Variants in AAGAB observed in about 807,000 individuals in gnomAD.
AAGAB encodes alpha- and gamma-adaptin-binding protein p34.
A neutral mutation model predicts 44.1 loss-of-function variants in AAGAB; 38 were observed. That is an observed-to-expected ratio of 0.86 (90% CI 0.67 to 1.13). The LOEUF (loss-of-function observed/expected upper bound fraction) is 1.13. Among genes scored for constraint, AAGAB ranks in the 50% most tolerant of loss-of-function variants. The pLI is 0.00. For synonymous variants in AAGAB, 131 were observed against 131.8 expected (o/e 0.99, Z 0.04); for missense variants, 450 against 373.8 (o/e 1.20, Z -1.68).
At chr15:67,204,791 C>T (rs1963649345) in intron 7 of AAGAB, among the ~76,000 whole-genome samples, 1 of 152,168 alleles carries the variant, frequency 6.6e-6, no homozygotes, top group Non-Finnish European at 1.5e-5. Context: ...AGAATTTTAA[C>T]TCCTTCTCCA....
At chr15:67,236,894 C>G in intron 1 of AAGAB, 74 bp from the exon 2 acceptor site, 1 of 1,195,006 alleles carries the variant, frequency 8.4e-7, no homozygotes, top group South Asian at 1.6e-5. Flanking sequence ...CAGTCAGATA[C>G]CAGATAAAGC....
intron 5 of AAGAB, among the ~76,000 whole-genome samples, chr15:67,218,591 G>T (rs927400029): frequency 8.5e-5 from 13 of 152,122 alleles, no homozygotes; most frequent in African/African-American, 3.1e-4. Context: ...ATCTAGGCTT[G>T]CAATTAGGTT....
intron 1 of AAGAB, among the ~76,000 whole-genome samples, chr15:67,244,536 C>A (rs1435862854): frequency 6.6e-6 from 1 of 152,124 alleles, no homozygotes; most frequent in Non-Finnish European, 1.5e-5. Flanking sequence ...GGCACGGTGG[C>A]TCATACCTGT....
Position 67,202,557 on chromosome 15 carries a change from C to A in AAGAB, c.*264G>T. The A allele has an allele frequency of 4.6e-6, 2 of 430,994 alleles. No individual in the cohort carries two copies. The highest frequency in any genetic ancestry group is 8.4e-6 in the Non-Finnish European group (2 of 239,444). The allele number at this position is 430,994 out of a possible 1,614,324, so 26.7% of individuals were successfully genotyped here. A position where few individuals can be genotyped will look rare whatever the true frequency, so the allele number is the denominator to read the frequency against. ...CACAGACCTCTGAGATTTATCCTAC[C>A]CTCATTCCTAGAACAAAAAAAAAGT... On this transcript the variant is annotated 3_prime_UTR_variant, in exon 10 of 10. Coordinates refer to ENST00000261880, the MANE Select transcript of AAGAB (RefSeq NM_024666.5).
intron 1 of AAGAB, among the ~76,000 whole-genome samples, chr15:67,240,459 A>C (rs1381628448): frequency 6.6e-6 from 1 of 152,146 alleles, no homozygotes; most frequent in Admixed American, 6.5e-5. Context: ...GCTGTAATAC[A>C]TCATTTTTTA....
Position 67,201,289 on chromosome 15 carries a change from GAA to G in AAGAB, c.*1530_*1531del, listed in dbSNP as rs71287016. 7.6e-5 allele frequency: 8 copies of G among 105,278 alleles called. No homozygotes were observed. The East Asian group carries it at 1.2e-3, about 15-fold the overall frequency. The allele number at this position is 105,278 out of a possible 1,614,324, so 6.5% of individuals were successfully genotyped here. A position where few individuals can be genotyped will look rare whatever the true frequency, so the allele number is the denominator to read the frequency against. ...CTCAAAGTCTTTCAGAACAGTAAAA[GAA>G]AAAAAAAAAAAAAGGAACAAAAGGT... On this transcript the variant is annotated 3_prime_UTR_variant, in exon 10 of 10. Transcript: ENST00000261880.
At chr15:67,250,299 C>T (rs965917927) in intron 1 of AAGAB, among the ~76,000 whole-genome samples, 4 of 152,150 alleles carry the variant, frequency 2.6e-5, no homozygotes, top group Non-Finnish European at 5.9e-5. Flanking sequence ...GCCTCAGCCA[C>T]CTGAGTAGCT....
chr15:67,203,896 T>A lies in AAGAB; in HGVS notation c.820+148A>T. On this transcript the variant is annotated intron_variant, in intron 8 of 9. Transcript: ENST00000261880. ...ATTTTCCCCAGGGAATTTTTTTTTT[T>A]TACCAAGTCCCAGGAGTAGCTAAGT... is the stretch of plus-strand genomic sequence containing the variant. 1.1e-5 allele frequency: 7 copies of A among 620,706 alleles called. No homozygotes were observed. In the South Asian group the frequency reaches 1.4e-4, roughly 12 times the overall value. 38.4% of individuals were successfully genotyped at this position (620,706 alleles called of 1,614,324 possible). A position where few individuals can be genotyped will look rare whatever the true frequency, so the allele number is the denominator to read the frequency against.
intron 5 of AAGAB, among the ~76,000 whole-genome samples, chr15:67,220,093 A>G (rs1157806797): frequency 1.3e-5 from 2 of 152,272 alleles, no homozygotes; most frequent in Non-Finnish European, 2.9e-5. Flanking sequence ...GGAATGCACG[A>G]GTTTTAAATT....
At chr15:67,209,609 G>T in intron 5 of AAGAB, 65 bp from the exon 6 acceptor site, 4 of 1,271,652 alleles carry the variant, frequency 3.1e-6, no homozygotes, top group South Asian at 1.2e-5. Context: ...AAATGGCTAT[G>T]ATGATGAAAC....
chr15:67,241,121 C>T (rs1337132541), intron 1 of AAGAB, among the ~76,000 whole-genome samples: 1 of 151,944 alleles, frequency 6.6e-6, no homozygotes, highest in African/African-American at 2.4e-5. Context: ...CTTATGTCCT[C>T]ACCTATCCAC....
At position 67,201,230 on chromosome 15, in the gene AAGAB, A is replaced by G. The variant is rs1052034222; in HGVS notation, c.*1591T>C. 1.7e-4 allele frequency: 26 copies of G among 151,142 alleles called. No homozygotes were observed. Among genetic ancestry groups the G allele is most frequent in the African/African-American group, 6.1e-4 (25 of 41,102 alleles). The allele number at this position is 151,142 out of a possible 1,614,324, so 9.4% of individuals were successfully genotyped here. A position where few individuals can be genotyped will look rare whatever the true frequency, so the allele number is the denominator to read the frequency against. The stretch of plus-strand genomic sequence containing the variant: ...CAACTTCCCTAATGCAATCACCTCA[A>G]AGAAACACTGATGGGCTGGTGGTGA... On this transcript the variant is annotated 3_prime_UTR_variant, in exon 10 of 10. Coordinates refer to ENST00000261880, the MANE Select transcript of AAGAB (RefSeq NM_024666.5).
intron 1 of AAGAB, among the ~76,000 whole-genome samples, chr15:67,247,233 C>G (rs1449443606): frequency 6.6e-6 from 1 of 152,202 alleles, no homozygotes; most frequent in Non-Finnish European, 1.5e-5. Context: ...TTCACGGCTT[C>G]ATTCTTGAAG....
At chr15:67,254,744 C>A, upstream of AAGAB, 1 of 1,345,838 alleles carries the variant, frequency 7.4e-7, no homozygotes, top group Non-Finnish European at 1.0e-6. Flanking sequence ...AATGACCAGG[C>A]TGGCCTGACC....
In AAGAB at chr15:67,236,707, C is replaced by A; in HGVS notation, c.187G>T (p.Val63Leu). 6 of 1,613,964 alleles carry A rather than the reference C, an allele frequency of 3.7e-6. No individual in the cohort carries two copies. Among genetic ancestry groups the A allele is most frequent in the Non-Finnish European group, 5.1e-6 (6 of 1,179,906 alleles). The change falls in exon 2 of 10, where the codon GTG (valine) becomes TTG (leucine). Residue 63 changes from valine (V) to leucine (L), a missense_variant. Transcript: ENST00000261880. ...GCAGTAACAAGAAATTTGTTTGGCA[C>A]CACACATAGATTGATGTCTGCTGAA... ...YYSADINLCV[V>L]PNKFLVTAEI... is the part of the protein sequence containing the mutation.
chr15:67,248,108 C>T (rs1285621498), intron 1 of AAGAB, among the ~76,000 whole-genome samples: 1 of 152,156 alleles, frequency 6.6e-6, no homozygotes, highest in African/African-American at 2.4e-5. Context: ...CCCTTTGGGT[C>T]TGGAGAAAGT....
intron 5 of AAGAB, 67 bp from the exon 6 acceptor site, chr15:67,209,611 T>C (rs1963765406): frequency 1.6e-6 from 2 of 1,257,166 alleles, no homozygotes; most frequent in East Asian, 2.3e-5. Flanking sequence ...ATGGCTATGA[T>C]GATGAAACAA....
chr15:67,236,647 A>T lies in AAGAB; in HGVS notation c.247T>A (p.Tyr83Asn), dbSNP rs1176368278. The T allele has an allele frequency of 6.2e-7, 1 of 1,613,348 alleles. No individual in the cohort carries two copies. The highest frequency in any genetic ancestry group is 1.1e-5 in the South Asian group (1 of 90,700). Residue 83 changes from tyrosine (Y) to asparagine (N), a missense_variant, in exon 2 of 10, where the codon TAC becomes AAC. Coordinates refer to ENST00000261880, the MANE Select transcript of AAGAB (RefSeq NM_024666.5). ...AGTCTTACTTGTGTGCTGTCAAAGTAAACCACAAATGCTTGGACAGATTCT... is the reference window on the plus strand; with the variant it reads ...AGTCTTACTTGTGTGCTGTCAAAGTTAACCACAAATGCTTGGACAGATTCT... ...IAESVQAFVV[Y>N]FDSTQKSGLD...
intron 1 of AAGAB, among the ~76,000 whole-genome samples, chr15:67,247,135 C>T (rs758501728): frequency 2.6e-5 from 4 of 152,076 alleles, no homozygotes; most frequent in Non-Finnish European, 5.9e-5. Context: ...CTGTAACACT[C>T]ACGGCGAAGG....
Sources: gnomAD v4.1 joint callset for allele counts (sites outside exome capture counted in the v4.1 genomes callset) on GRCh38, gnomAD v4.1.1 for gene constraint, MANE v1.5 for transcripts, NCBI Gene and HGNC (gene_info 2026-07-23, HGNC 2026-07-21) for gene names.